UTP25: variants seen among roughly 807,000 people sequenced by gnomAD.
UTP25 encodes the protein UTP25 small subunit processome component, also known as U3 small nucleolar RNA-associated protein 25 homolog.
A neutral mutation model predicts 78.9 loss-of-function variants in UTP25; 50 were observed. The ratio of observed to expected loss-of-function variants is 0.63; its 90% confidence interval spans 0.50 to 0.80. UTP25 has a LOEUF of 0.80. Ranked by LOEUF, UTP25 falls within the 30% of genes least tolerant of loss-of-function variation. UTP25 has a pLI of 0.00. For synonymous variants in UTP25, 329 were observed against 336.5 expected, an observed-to-expected ratio of 0.98 and a Z score of 0.24; for missense variants, 846 against 911.3, an observed-to-expected ratio of 0.93 and a Z score of 0.92.
chr1:209,845,785 T>C (rs985148844), intron 11 of UTP25, among the ~76,000 whole-genome samples: 1 of 150,776 alleles, frequency 6.6e-6, no homozygotes, highest in Non-Finnish European at 1.5e-5. Context: ...GATGGATGTT[T>C]TGGTGTGCAG....
chr1:209,830,678 A>C, intron 2 of UTP25, 125 bp from the exon 3 acceptor site: 1 of 1,428,048 alleles, frequency 7.0e-7, no homozygotes, highest in East Asian at 2.5e-5. Flanking sequence ...AATCATAGCT[A>C]GATTAGCAAT....
chr1:209,840,434 T>TA (rs1443072288), intron 7 of UTP25, among the ~76,000 whole-genome samples: 1 of 152,242 alleles, frequency 6.6e-6, no homozygotes, highest in East Asian at 1.9e-4. Context: ...CAGCTGTTAG[T>TA]ACATTCTGTG....
chr1:209,834,529 T>C (rs991575467), intron 4 of UTP25, among the ~76,000 whole-genome samples: 1 of 152,094 alleles, frequency 6.6e-6, no homozygotes, highest in Non-Finnish European at 1.5e-5. Flanking sequence ...AGATAAGACA[T>C]GTATATATGT....
chr1:209,845,013 C>T (rs1393730377), intron 11 of UTP25, among the ~76,000 whole-genome samples: 1 of 152,224 alleles, frequency 6.6e-6, no homozygotes, highest in Non-Finnish European at 1.5e-5. Flanking sequence ...ATCTCCCAAG[C>T]TTTGGAGCAC....
rs1164281572 is a variant in UTP25, at chr1:209,854,504, C to T, written c.*3057C>T. On this transcript the variant is annotated 3_prime_UTR_variant, in exon 12 of 12. Transcript: ENST00000491415. ...TCCTAGTGGAGATGGGGAATGTGTC[C>T]CTGCTGACTCCTCATACCCCAGAGG... is the stretch of plus-strand genomic sequence containing the variant. The T allele has an allele frequency of 3.3e-5, 5 of 152,098 alleles. No homozygotes were observed. The highest frequency in any genetic ancestry group is 1.3e-4 in the Admixed American group (2 of 15,280). The allele number at this position is 152,098 out of a possible 1,614,324, so 9.4% of individuals were successfully genotyped here. A position where few individuals can be genotyped will look rare whatever the true frequency, so the allele number is the denominator to read the frequency against.
chr1:209,849,828 C>G (rs907407736), intron 11 of UTP25, among the ~76,000 whole-genome samples: 4 of 152,224 alleles, frequency 2.6e-5, no homozygotes, highest in African/African-American at 9.6e-5. Context: ...CCATCTTTCT[C>G]CTGTGCTCTG....
rs189590481 is a variant in UTP25, at chr1:209,851,478, A to T, written c.*31A>T. 10 of 1,569,492 alleles carry T rather than the reference A, an allele frequency of 6.4e-6. No homozygotes were observed. The highest frequency in any genetic ancestry group is 5.4e-5 in the African/African-American group (4 of 73,634). ...TGTTGGGCAGGAAGTGGTATTTGGC[A>T]TGATACATAATGTTTGATTCTATGC... On this transcript the variant is annotated 3_prime_UTR_variant, in exon 12 of 12. Transcript: ENST00000491415.
At position 209,837,168 on chromosome 1, in the gene UTP25, G is replaced by A. The variant is rs200605818; in HGVS notation, c.1019G>A (p.Gly340Asp). ...SRRRSQKFGV[G>D]DDDDFRDQGL... ...CGCCGAAGCCAGAAGTTTGGAGTGG[G>A]TGATGATGATGACTTCAGAGACCAA... The change falls in exon 6 of 12, where the codon GGT becomes GAT. Residue 340 changes from glycine to aspartate, a missense_variant. By Grantham distance (94) the Gly-to-Asp change is moderately conservative (BLOSUM62 -1). Coordinates refer to ENST00000491415, the MANE Select transcript of UTP25 (RefSeq NM_014388.7). 3 of 1,613,996 alleles carry A rather than the reference G, an allele frequency of 1.9e-6. No individual in the cohort carries two copies. Among genetic ancestry groups the A allele is most frequent in the African/African-American group, 2.7e-5 (2 of 74,918 alleles).
chr1:209,831,986 A>G (rs1422087176), intron 3 of UTP25, among the ~76,000 whole-genome samples: 1 of 141,646 alleles, frequency 7.1e-6, no homozygotes, highest in African/African-American at 2.5e-5. Context: ...TTTTTCTTAT[A>G]GCCTTATTTT....
At chr1:209,835,916 T>C (rs1433793628) in intron 5 of UTP25, among the ~76,000 whole-genome samples, 1 of 152,200 alleles carries the variant, frequency 6.6e-6, no homozygotes, top group Non-Finnish European at 1.5e-5. Flanking sequence ...CCTGTGCCTA[T>C]ATTTATATAC....
intron 1 of UTP25, among the ~76,000 whole-genome samples, chr1:209,829,746 A>G (rs2078092711): frequency 6.6e-6 from 1 of 152,122 alleles, no homozygotes; most frequent in Non-Finnish European, 1.5e-5. Context: ...TTGGCCTCCT[A>G]AAGTGCTGGG....
In UTP25 at chr1:209,843,546, G is replaced by A. The variant is rs147336094; in HGVS notation, c.1877G>A (p.Arg626His). The A allele has an allele frequency of 1.5e-4, 249 of 1,614,156 alleles. No homozygotes were observed. Among genetic ancestry groups the A allele is most frequent in the East Asian group, 9.4e-4 (42 of 44,880 alleles). The stretch of plus-strand genomic sequence containing the variant: ...ATCCCCTCCTACTTTGACTTCGTGC[G>A]TCTTCGAAATTACTTCAAGAAGGAG... ...IYIPSYFDFVRLRNYFKKEEL... is the reference protein window; with the variant it reads ...IYIPSYFDFVHLRNYFKKEEL... The change falls in exon 11 of 12, where the codon CGT becomes CAT. Residue 626 changes from arginine (R) to histidine (H), a missense_variant. By Grantham distance (29) the Arg-to-His change is conservative (BLOSUM62 0). Transcript: ENST00000491415.
At chr1:209,849,749 C>G (rs2078220571) in intron 11 of UTP25, among the ~76,000 whole-genome samples, 1 of 152,220 alleles carries the variant, frequency 6.6e-6, no homozygotes, top group South Asian at 2.1e-4. Flanking sequence ...TCAGGCAAGC[C>G]TATTCTTGCC....
chr1:209,852,784 G>A lies in UTP25; in HGVS notation c.*1337G>A, dbSNP rs1408951206. The A allele has an allele frequency of 2.6e-5, 4 of 152,144 alleles. No homozygotes were observed. The highest frequency in any genetic ancestry group is 9.7e-5 in the African/African-American group (4 of 41,416). 9.4% of individuals were successfully genotyped at this position (152,144 alleles called of 1,614,324 possible). On this transcript the variant is annotated 3_prime_UTR_variant, in exon 12 of 12. Coordinates refer to ENST00000491415, the MANE Select transcript of UTP25 (RefSeq NM_014388.7). Reference sequence around the variant, plus strand: ...GTCAGAACTTGGGAATTGTGTACATGTATGCACACACATATGTACACACGT... The same window carrying A: ...GTCAGAACTTGGGAATTGTGTACATATATGCACACACATATGTACACACGT...
chr1:209,851,402 A>G lies in UTP25; in HGVS notation c.2226A>G (p.Leu742=). 1 of 1,613,186 alleles carries G rather than the reference A, an allele frequency of 6.2e-7. No homozygotes were observed. Among genetic ancestry groups the G allele is most frequent in the Non-Finnish European group, 8.5e-7 (1 of 1,179,794 alleles). Residue 742 remains leucine, a synonymous_variant, in exon 12 of 12, where the codon CTA becomes CTG. Coordinates refer to ENST00000491415, the MANE Select transcript of UTP25 (RefSeq NM_014388.7). ...VVGVERAAQM[L]QSNKNVHLFI... is the part of the protein sequence containing the mutation. ...GTGTGGAGCGGGCGGCACAGATGCT[A>G]CAGTCCAACAAGAATGTCCACCTCT...
chr1:209,843,732 AG>A (rs1558055676), intron 11 of UTP25, 36 bp downstream of exon 11: 1 of 1,600,376 alleles, frequency 6.2e-7, no homozygotes, highest in Admixed American at 1.7e-5. Flanking sequence ...TCCTCTCTGA[AG>A]GGGAGGTGCA....
intron 7 of UTP25, 129 bp from the exon 8 acceptor site, chr1:209,840,724 C>A: frequency 2.4e-6 from 2 of 837,566 alleles, no homozygotes; most frequent in East Asian, 2.5e-5. Flanking sequence ...AGCAGTTGAG[C>A]ACAGTTACAT....
chr1:209,831,290 C>T (rs948530717), intron 3 of UTP25, among the ~76,000 whole-genome samples: 1 of 152,160 alleles, frequency 6.6e-6, no homozygotes, highest in African/African-American at 2.4e-5. Flanking sequence ...TAGTGAAAGA[C>T]CTCCTAATAC....
rs759545886 is a variant in UTP25 at position 209,840,894 on chromosome 1, T to C, written c.1324T>C (p.Phe442Leu). 120 of 1,613,296 alleles carry C rather than the reference T, an allele frequency of 7.4e-5. 1 individual carries two copies. The highest frequency in any genetic ancestry group is 2.9e-5 in the Non-Finnish European group (34 of 1,179,948). ...GAGAAGCATCCGACTCTATGCCCCG[T>C]TTTACTCCTCGGATATCCTCATTGC... ...LQRSIRLYAP[F>L]YSSDILIASP... Residue 442 changes from phenylalanine (F) to leucine (L), a missense_variant, in exon 8 of 12, where the codon TTT becomes CTT. Coordinates refer to ENST00000491415, the MANE Select transcript of UTP25 (RefSeq NM_014388.7).
Sources: gnomAD v4.1 joint callset for allele counts (sites outside exome capture counted in the v4.1 genomes callset) on GRCh38, gnomAD v4.1.1 for gene constraint, MANE v1.5 for transcripts, NCBI Gene and HGNC (gene_info 2026-07-23, HGNC 2026-07-21) for gene names.